ITIH5: variants seen among roughly 807,000 people sequenced by gnomAD.
The protein encoded by ITIH5 is inter-alpha-trypsin inhibitor heavy chain 5.
ITIH5 carries 65 observed loss-of-function variants against 77.5 expected under a neutral mutation model. The ratio of observed to expected loss-of-function variants is 0.84; its 90% CI spans 0.69 to 1.03. The LOEUF is 1.03. ITIH5 is among the 50% of genes least tolerant of loss of function. The pLI, the probability that ITIH5 is intolerant of heterozygous loss-of-function variation, is 0.00. For missense variants in ITIH5, 1,208 were observed against 1,213.1 expected (o/e 1.00, Z 0.06); for synonymous variants, 525 against 494.3 (o/e 1.06, Z -0.82).
In ITIH5 at chr10:7,629,444, C is replaced by G. The variant is rs11812607; in HGVS notation, c.652+7784G>C. ...TAGCGTGTGTCCGTGTTGTGGCATG[C>G]ATCCATGTTATCATATGTATCTGTG... On this transcript the variant is annotated intron_variant, in intron 5 of 13. Transcript: ENST00000397146. Among the ~76,000 whole-genome samples, 6 of 138,024 alleles carry G rather than the reference C, an allele frequency of 4.3e-5. No homozygotes were observed. In the South Asian group the frequency reaches 1.2e-3, roughly 27 times the overall value. 90.5% of individuals were successfully genotyped at this position (138,024 alleles called of 152,430 possible).
At chr10:7,657,041 CTTTTTTTTTT>C (rs56737624) in intron 1 of ITIH5, among the ~76,000 whole-genome samples, 22 of 99,848 alleles carry the variant, frequency 2.2e-4, no homozygotes, top group Non-Finnish European at 2.7e-4. Context: ...CGCGTTCGGC[CTTTTTTTTTT>C]TTTTTTTTTT....
chr10:7,622,355 A>C (rs756540778), intron 5 of ITIH5: 8 of 152,234 alleles, frequency 5.3e-5, no homozygotes, highest in Non-Finnish European at 1.0e-4. Context: ...CACATCTGTT[A>C]CATGGAAACA....
intron 5 of ITIH5, among the ~76,000 whole-genome samples, chr10:7,624,804 T>G (rs373833027): frequency 6.7e-5 from 1 of 14,856 alleles, no homozygotes; most frequent in Non-Finnish European, 1.3e-4. Flanking sequence ...AAAAAATATA[T>G]ATATATATAC....
rs1301499495 is a variant in ITIH5, at chr10:7,566,852, AAG to A, written c.2150-447_2150-446del. 1.6e-3 allele frequency among the ~76,000 whole-genome samples: 42 copies of A among 25,480 alleles called. 8 individuals carry two copies. Among genetic ancestry groups the A allele is most frequent in the African/African-American group, 5.6e-3 (38 of 6,804 alleles). The allele number at this position is 25,480 out of a possible 152,430, so 16.7% of individuals were successfully genotyped here. Reference sequence around the variant, plus strand: ...GAAGAGGAAGAGGAAGAGGAAGAAGAAGAAGAAGAAGAAGAAGAAGAAGAAGA... The same window carrying A: ...GAAGAGGAAGAGGAAGAGGAAGAAGAAAGAAGAAGAAGAAGAAGAAGAAGA... On this transcript the variant is annotated intron_variant, in intron 12 of 13. Transcript: ENST00000397146.
At chr10:7,616,135 T>G in intron 6 of ITIH5, 37 bp from the exon 7 acceptor site, 2 of 1,239,072 alleles carry the variant, frequency 1.6e-6, no homozygotes, top group Non-Finnish European at 2.4e-6. Flanking sequence ...CGGTAGTACC[T>G]AGAGCGGGGA....
intron 2 of ITIH5, among the ~76,000 whole-genome samples, chr10:7,642,499 C>A (rs1314687793): frequency 6.6e-6 from 1 of 152,090 alleles, no homozygotes; most frequent in Non-Finnish European, 1.5e-5. Flanking sequence ...TTCCAAAAAC[C>A]GGAACATGAC....
intron 1 of ITIH5, among the ~76,000 whole-genome samples, chr10:7,659,069 G>A (rs570391022): frequency 1.8e-4 from 27 of 152,122 alleles, no homozygotes; most frequent in Admixed American, 1.0e-3. Context: ...GGAGTATATC[G>A]GTTTTGGAAT....
rs1418381786 is a variant in ITIH5 at position 7,640,993 on chromosome 10, G to A, written c.300-138C>T. On this transcript the variant is annotated intron_variant, in intron 3 of 13. Coordinates refer to ENST00000397146, the MANE Select transcript of ITIH5 (RefSeq NM_030569.7). ...GTAGAAAGAATGCATTCCAGACTAG[G>A]GCACTACCTTTGAATCATTCATTTT... 11 of 715,326 alleles carry A rather than the reference G, an allele frequency of 1.5e-5. No individual in the cohort carries two copies. The East Asian group carries it at 2.0e-4, about 13-fold the overall frequency. The allele number at this position is 715,326 out of a possible 1,614,324, so 44.3% of individuals were successfully genotyped here.
At position 7,575,953 on chromosome 10, in the gene ITIH5, T is replaced by A. The variant is rs549706404; in HGVS notation, c.1978+500A>T. Among the ~76,000 whole-genome samples, 70 of 152,350 alleles carry A rather than the reference T, an allele frequency of 4.6e-4. 2 individuals are homozygous for A. The South Asian group carries it at 0.013, about 28-fold the overall frequency. On this transcript the variant is annotated intron_variant, in intron 10 of 13. Coordinates refer to ENST00000397146, the MANE Select transcript of ITIH5 (RefSeq NM_030569.7). ...CTCATTTCTCTAGACAGCCACAGTGTATAGTAATGCACATACAACAGTCTA... is the reference window on the plus strand; with the variant it reads ...CTCATTTCTCTAGACAGCCACAGTGAATAGTAATGCACATACAACAGTCTA...
intron 7 of ITIH5, among the ~76,000 whole-genome samples, chr10:7,609,664 T>G (rs902900643): frequency 6.6e-6 from 1 of 152,136 alleles, no homozygotes; most frequent in Admixed American, 6.5e-5. Context: ...CCCTCTAAAT[T>G]TGTCAACTAA....
At chr10:7,574,611 G>A (rs1832369119) in intron 10 of ITIH5, among the ~76,000 whole-genome samples, 1 of 151,888 alleles carries the variant, frequency 6.6e-6, no homozygotes, top group Admixed American at 6.6e-5. Flanking sequence ...GGCTAACACG[G>A]TGAAACCCCA....
chr10:7,604,454 C>T (rs1833081829), intron 7 of ITIH5, among the ~76,000 whole-genome samples: 1 of 152,232 alleles, frequency 6.6e-6, no homozygotes, highest in African/African-American at 2.4e-5. Context: ...TATCACTTAA[C>T]TCACACGCTC....
chr10:7,655,745 G>GACCTCACAA, intron 1 of ITIH5, 70 bp from the exon 2 acceptor site: 3 of 1,190,026 alleles, frequency 2.5e-6, no homozygotes, highest in Non-Finnish European at 3.8e-6. Context: ...TGATTGTGAG[G>GACCTCACAA]TCATTCTCAC....
intron 7 of ITIH5, among the ~76,000 whole-genome samples, chr10:7,612,514 T>C: frequency 6.6e-6 from 1 of 152,194 alleles, no homozygotes; most frequent in Non-Finnish European, 1.5e-5. Flanking sequence ...ATTCATAATA[T>C]GGGGGTGAAT....
intron 3 of ITIH5, among the ~76,000 whole-genome samples, chr10:7,641,477 T>TGCACC (rs2131080285): frequency 6.6e-6 from 1 of 151,842 alleles, no homozygotes; most frequent in African/African-American, 2.4e-5. Context: ...CTCAGAGAAG[T>TGCACC]GCACCAGTTT....
At chr10:7,664,457 C>T (rs1290265231) in intron 1 of ITIH5, among the ~76,000 whole-genome samples, 13 of 151,366 alleles carry the variant, frequency 8.6e-5, no homozygotes, top group African/African-American at 1.9e-4. Flanking sequence ...GAATCATCTG[C>T]GCCCCATCCC....
Position 7,577,329 on chromosome 10 carries a change from C to A in ITIH5, c.1419-317G>T, listed in dbSNP as rs554108887. 2.0e-5 allele frequency among the ~76,000 whole-genome samples: 3 copies of A among 152,312 alleles called. No homozygotes were observed. In the East Asian group the frequency reaches 5.8e-4, roughly 29 times the overall value. ...TTCCACCCACTGGTTTCAGTTTTGC[C>A]TCTGGAACAATATCGAATTAGTGTA... On this transcript the variant is annotated intron_variant, in intron 9 of 13. Transcript: ENST00000397146.
At chr10:7,642,169 C>A in intron 2 of ITIH5, 79 bp from the exon 3 acceptor site, 1 of 1,047,620 alleles carries the variant, frequency 9.5e-7, no homozygotes, top group Non-Finnish European at 1.4e-6. Context: ...TTTTTTTTTT[C>A]CACAAGGGAA....
At chr10:7,571,287 G>A (rs570869912) in intron 11 of ITIH5, 1 of 152,142 alleles carries the variant, frequency 6.6e-6, no homozygotes, top group Non-Finnish European at 1.5e-5. Flanking sequence ...GGTGTCCATG[G>A]GGGATTAGTT....
Sources: allele counts gnomAD v4.1 joint callset (sites outside exome capture counted in the v4.1 genomes callset), GRCh38; gene constraint gnomAD v4.1.1; transcripts MANE v1.5; gene names NCBI Gene and HGNC (gene_info 2026-07-23, HGNC 2026-07-21).